The following VARS1 variants were observed in gnomAD, a reference collection of about 807,000 sequenced individuals.
VARS1 encodes the protein valyl-tRNA synthetase 1, also known as valine--tRNA ligase.
In VARS1, 92 loss-of-function variants were observed where a neutral mutation model predicts 161.0. The ratio of observed to expected loss-of-function variants is 0.57; its 90% CI spans 0.48 to 0.68. The LOEUF (loss-of-function observed/expected upper bound fraction) is 0.68. VARS1 is among the 30% of genes least tolerant of loss of function. The probability of loss-of-function intolerance (pLI) is 0.00; values close to 1 mark genes in which losing one functional copy is unlikely to be tolerated. For missense variants in VARS1, 1,338 were observed against 1,695.9 expected, an observed-to-expected ratio of 0.79 and a Z score of 3.71; for synonymous variants, 595 against 682.5, an observed-to-expected ratio of 0.87 and a Z score of 2.00.
In VARS1 at chr6:31,780,303, C is replaced by A; in HGVS notation, c.2925+138G>T. The A allele has an allele frequency of 6.6e-7, 1 of 1,518,024 alleles. No homozygotes were observed. The highest frequency in any genetic ancestry group is 1.4e-5 in the African/African-American group (1 of 72,536). The allele number at this position is 1,518,024 out of a possible 1,614,324, so 94.0% of individuals were successfully genotyped here. A position where few individuals can be genotyped will look rare whatever the true frequency, so the allele number is the denominator to read the frequency against. On this transcript the variant is annotated intron_variant, in intron 25 of 29. Transcript: ENST00000375663. The surrounding 1 kb of genome is among the most constrained non-coding windows in gnomAD (Gnocchi z 5.1). ...GGATCTGGGAAGAAGTGACAGGCCC[C>A]AGCCCCCAATGCGCTGGGCTTTCCC...
chr6:31,794,697 C>G, intron 2 of VARS1, 134 bp downstream of exon 2: 1 of 1,275,678 alleles, frequency 7.8e-7, no homozygotes, highest in Non-Finnish European at 1.1e-6. Context: ...GGTTACCATA[C>G]CAGTTGGCAA....
Position 31,795,010 on chromosome 6 carries a change from A to C in VARS1, c.208T>G (p.Trp70Gly). 3.1e-6 allele frequency: 5 copies of C among 1,597,996 alleles called. No homozygotes were observed. Among genetic ancestry groups the C allele is most frequent in the Non-Finnish European group, 4.3e-6 (5 of 1,170,720 alleles). ...AGCTGGGCCACAGCCGTGGCCCCCC[A>C]CACCCAGAGCCCACCGGGCCCCTGC... ...LEQGPGGLWVWGATAVAQLLW... is the reference protein window; with the variant it reads ...LEQGPGGLWVGGATAVAQLLW... The change falls in exon 2 of 30, where the codon TGG becomes GGG. Residue 70 changes from tryptophan (W) to glycine (G), a missense_variant. Transcript: ENST00000375663. This position sits in a 1 kb window ranked among gnomAD's most constrained non-coding sequence, Gnocchi z 6.9.
chr6:31,782,340 G>T lies in VARS1; in HGVS notation c.2095C>A (p.Arg699Ser). The T allele has an allele frequency of 6.2e-7, 1 of 1,612,898 alleles. No homozygotes were observed. The highest frequency in any genetic ancestry group is 8.5e-7 in the Non-Finnish European group (1 of 1,179,976). The change falls in exon 17 of 30, where the codon CGC becomes AGC. Residue 699 changes from arginine (R) to serine (S), a missense_variant. This residue lies in a region of VARS1 where 902 missense variants were observed against 1,090.3 expected (regional missense o/e 0.83). Transcript: ENST00000375663. The surrounding 1 kb of genome is among the most constrained non-coding windows in gnomAD (Gnocchi z 8.3). The stretch of plus-strand genomic sequence containing the variant: ...CGCTGATGGGCCTCAGGCAGGATGC[G>T]GAGGTCACCCCGAGTCACAGCGGCG... Reference protein sequence around the residue: ...ASAAVTRGDLRILPEAHQRTW... With the variant: ...ASAAVTRGDLSILPEAHQRTW...
rs1047769403 is a variant in VARS1 at position 31,778,527 on chromosome 6, C to A, written c.3726+440G>T. Among the ~76,000 whole-genome samples, 2 of 152,004 alleles carry A rather than the reference C, an allele frequency of 1.3e-5. No individual in the cohort carries two copies. Among genetic ancestry groups the A allele is most frequent in the Non-Finnish European group, 2.9e-5 (2 of 67,994 alleles). On this transcript the variant is annotated intron_variant, in intron 29 of 29. Coordinates refer to ENST00000375663, the MANE Select transcript of VARS1 (RefSeq NM_006295.3). The surrounding 1 kb of genome is among the most constrained non-coding windows in gnomAD (Gnocchi z 5.1). ...TTTTTGTTTTGTTTTGTTTTTTTTC[C>A]AGACAGGGTCTTCTCTCTGTTGCCC...
chr6:31,780,654 C>T lies in VARS1; in HGVS notation c.2797+51G>A, dbSNP rs199756747. On this transcript the variant is annotated intron_variant, in intron 24 of 29. Coordinates refer to ENST00000375663, the MANE Select transcript of VARS1 (RefSeq NM_006295.3). The surrounding 1 kb of genome is among the most constrained non-coding windows in gnomAD (Gnocchi z 5.1). ...GCTCAGGGTGGAGAAGAGGGATGGG[C>T]CTCACAGAAGGAGGAAGGAGTGGCT... 6.9e-3 allele frequency: 11,151 copies of T among 1,613,306 alleles called. 525 individuals carry two copies. In the South Asian group the frequency reaches 0.086, roughly 12 times the overall value.
intron 2 of VARS1, among the ~76,000 whole-genome samples, 158 bp from the exon 3 acceptor site, chr6:31,793,278 C>T (rs185023982): frequency 2.0e-5 from 3 of 152,070 alleles, no homozygotes; most frequent in Non-Finnish European, 4.4e-5. Flanking sequence ...TACTTCTGGG[C>T]GGATCACGAG....
Position 31,785,318 on chromosome 6 carries a change from G to A in VARS1, c.1275C>T (p.Asp425=). The A allele has an allele frequency of 6.2e-7, 1 of 1,613,036 alleles. No individual in the cohort carries two copies. Among genetic ancestry groups the A allele is most frequent in the South Asian group, 1.1e-5 (1 of 91,086 alleles). Residue 425 remains aspartate (D), a synonymous_variant, in exon 10 of 30, where the codon GAC becomes GAT. Transcript: ENST00000375663. The surrounding 1 kb of genome is among the most constrained non-coding windows in gnomAD (Gnocchi z 6.1). Reference sequence around the variant, plus strand: ...GCTTCTTCAACTGGTGGTAAATCCGGTCACCTTTCCTGGAAGCAGACAGGC... The same window carrying A: ...GCTTCTTCAACTGGTGGTAAATCCGATCACCTTTCCTGGAAGCAGACAGGC... ...EVWKWKEEKG[D]RIYHQLKKLG...
At position 31,781,252 on chromosome 6, in the gene VARS1, G is replaced by C; in HGVS notation, c.2545-129C>G. 8.2e-7 allele frequency: 1 copy of C among 1,217,976 alleles called. No homozygotes were observed. Among genetic ancestry groups the C allele is most frequent in the South Asian group, 1.3e-5 (1 of 75,564 alleles). The allele number at this position is 1,217,976 out of a possible 1,614,324, so 75.4% of individuals were successfully genotyped here. On this transcript the variant is annotated intron_variant, in intron 21 of 29. Coordinates refer to ENST00000375663, the MANE Select transcript of VARS1 (RefSeq NM_006295.3). This position sits in a 1 kb window ranked among gnomAD's most constrained non-coding sequence, Gnocchi z 6.8. ...TCCCACTGAGTGTCCCCAAGAGCTCGTTGAGCGCCTTTATGTGAATCAGAA... is the reference window on the plus strand; with the variant it reads ...TCCCACTGAGTGTCCCCAAGAGCTCCTTGAGCGCCTTTATGTGAATCAGAA...
At position 31,781,991 on chromosome 6, in the gene VARS1, G is replaced by C; in HGVS notation, c.2242-39C>G. 1 of 1,612,954 alleles carries C rather than the reference G, an allele frequency of 6.2e-7. No homozygotes were observed. Among genetic ancestry groups the C allele is most frequent in the South Asian group, 1.1e-5 (1 of 91,082 alleles). On this transcript the variant is annotated intron_variant, in intron 18 of 29. Coordinates refer to ENST00000375663, the MANE Select transcript of VARS1 (RefSeq NM_006295.3). The surrounding 1 kb of genome is among the most constrained non-coding windows in gnomAD (Gnocchi z 6.8). ...AGTGATTACCCAAGGGGGTGTGTCTGCTTCTGGCTCACCCTGCCCCTCCCC... is the reference window on the plus strand; with the variant it reads ...AGTGATTACCCAAGGGGGTGTGTCTCCTTCTGGCTCACCCTGCCCCTCCCC...
chr6:31,778,361 T>G lies in VARS1; in HGVS notation c.3726+606A>C, dbSNP rs1581627776. 1.3e-5 allele frequency among the ~76,000 whole-genome samples: 2 copies of G among 152,168 alleles called. No individual in the cohort carries two copies. The highest frequency in any genetic ancestry group is 3.8e-4 in the East Asian group (2 of 5,204). On this transcript the variant is annotated intron_variant, in intron 29 of 29. Transcript: ENST00000375663. This position sits in a 1 kb window ranked among gnomAD's most constrained non-coding sequence, Gnocchi z 5.1. ...CCGTCTCCCACCTGTTGTGTGACCC[T>G]GGGTTGTGCCCAGCCCCCAGCTGCT... is the stretch of plus-strand genomic sequence containing the variant.
At position 31,785,863 on chromosome 6, in the gene VARS1, C is replaced by T. The variant is rs910661803; in HGVS notation, c.1101-130G>A. The T allele has an allele frequency of 1.7e-5, 20 of 1,195,044 alleles. No homozygotes were observed. The East Asian group carries it at 3.1e-4, about 19-fold the overall frequency. 74.0% of individuals were successfully genotyped at this position (1,195,044 alleles called of 1,614,324 possible). ...CAGGGAGGCCGGACGCGGTGGCTCACGCCTGTAATCCCAGAACTTTGGGAG... is the reference window on the plus strand; with the variant it reads ...CAGGGAGGCCGGACGCGGTGGCTCATGCCTGTAATCCCAGAACTTTGGGAG... On this transcript the variant is annotated intron_variant, in intron 8 of 29. Transcript: ENST00000375663. The surrounding 1 kb of genome is among the most constrained non-coding windows in gnomAD (Gnocchi z 6.1).
In VARS1 at chr6:31,791,423, G is replaced by A. The variant is rs766769887; in HGVS notation, c.1100+187C>T. ...AAGAGAGTCTGCAAGTGGCGGTGTT[G>A]CATGGGAGTACTGGACTAGGAGAGG... On this transcript the variant is annotated intron_variant, in intron 8 of 29. Transcript: ENST00000375663. The surrounding 1 kb of genome is among the most constrained non-coding windows in gnomAD (Gnocchi z 5.0). Among the ~76,000 whole-genome samples the A allele has an allele frequency of 3.9e-5, 6 of 152,154 alleles. No individual in the cohort carries two copies. Among genetic ancestry groups the A allele is most frequent in the Non-Finnish European group, 7.3e-5 (5 of 68,034 alleles).
Position 31,780,466 on chromosome 6 carries a change from C to A in VARS1, c.2900G>T (p.Gly967Val). 1 of 1,613,868 alleles carries A rather than the reference C, an allele frequency of 6.2e-7. No homozygotes were observed. Residue 967 changes from glycine (G) to valine (V), a missense_variant, in exon 25 of 30, where the codon GGT (glycine) becomes GTT (valine). Physicochemically the swap from Gly to Val is moderately radical, Grantham distance 109. This residue lies in a region of VARS1 where 433 missense variants were observed against 586.2 expected (regional missense o/e 0.74). Coordinates refer to ENST00000375663, the MANE Select transcript of VARS1 (RefSeq NM_006295.3). This position sits in a 1 kb window ranked among gnomAD's most constrained non-coding sequence, Gnocchi z 5.1. ...TKFALRGLGK[G>V]FVPSPTSQPG... ...CTGGGAGGTGGGTGAGGGCACAAAA[C>A]CCTTCCCAAGGCCACGAAGGGCAAA...
chr6:31,779,655 G>T lies in VARS1; in HGVS notation c.3241C>A (p.Gln1081Lys), dbSNP rs1813000603. ...LFQRLPRRMPQAPPSLCVTPY... is the reference protein window; with the variant it reads ...LFQRLPRRMPKAPPSLCVTPY... Reference sequence around the variant, plus strand: ...GTAACACAGAGGCTAGGGGGAGCTTGCGGCATCCTCCGGGGCAGCCTCTGG... The same window carrying T: ...GTAACACAGAGGCTAGGGGGAGCTTTCGGCATCCTCCGGGGCAGCCTCTGG... Residue 1081 changes from glutamine (Q) to lysine (K), a missense_variant, in exon 27 of 30, where the codon CAA becomes AAA. By Grantham distance (53) the Gln-to-Lys change is moderately conservative (BLOSUM62 1). This residue lies in a region of VARS1 where 433 missense variants were observed against 586.2 expected (regional missense o/e 0.74). Coordinates refer to ENST00000375663, the MANE Select transcript of VARS1 (RefSeq NM_006295.3). The surrounding 1 kb of genome is among the most constrained non-coding windows in gnomAD (Gnocchi z 9.1). 9 of 1,612,838 alleles carry T rather than the reference G, an allele frequency of 5.6e-6. No homozygotes were observed. Among genetic ancestry groups the T allele is most frequent in the Non-Finnish European group, 7.6e-6 (9 of 1,179,938 alleles).
Position 31,779,977 on chromosome 6 carries a change from C to A in VARS1, c.3081+21G>T. The A allele has an allele frequency of 6.2e-7, 1 of 1,612,960 alleles. No homozygotes were observed. The highest frequency in any genetic ancestry group is 8.5e-7 in the Non-Finnish European group (1 of 1,179,646). On this transcript the variant is annotated intron_variant, in intron 26 of 29. Transcript: ENST00000375663. The surrounding 1 kb of genome is among the most constrained non-coding windows in gnomAD (Gnocchi z 9.1). ...GCCCACCTGCCCCCACCATCCCCTG[C>A]CCCGCTGTGCTCCTTCTCACCAAGT...
In VARS1 at chr6:31,779,913, C is replaced by T. The variant is rs1813020157; in HGVS notation, c.3081+85G>A. ...GAAGGGGATGGGTTGGCTTAGGTCT[C>T]AAGGCCAACTCTGGCAAAACTGAGC... On this transcript the variant is annotated intron_variant, in intron 26 of 29. Coordinates refer to ENST00000375663, the MANE Select transcript of VARS1 (RefSeq NM_006295.3). This position sits in a 1 kb window ranked among gnomAD's most constrained non-coding sequence, Gnocchi z 9.1. 3 of 1,602,918 alleles carry T rather than the reference C, an allele frequency of 1.9e-6. No individual in the cohort carries two copies. The highest frequency in any genetic ancestry group is 1.7e-6 in the Non-Finnish European group (2 of 1,174,342).
chr6:31,789,663 G>A (rs1198312335), intron 8 of VARS1, among the ~76,000 whole-genome samples: 1 of 152,152 alleles, frequency 6.6e-6, no homozygotes, highest in Non-Finnish European at 1.5e-5. Context: ...ATATAGAGCA[G>A]GGGTATCCAA....
intron 8 of VARS1, among the ~76,000 whole-genome samples, chr6:31,786,253 C>G (rs1229113435): frequency 2.0e-5 from 3 of 151,698 alleles, no homozygotes; most frequent in African/African-American, 7.3e-5. Flanking sequence ...GAGTGAGACT[C>G]CGTCTCCAAA....
Position 31,780,948 on chromosome 6 carries a change from G to C in VARS1, c.2650-10C>G. 1 of 1,614,110 alleles carries C rather than the reference G, an allele frequency of 6.2e-7. No homozygotes were observed. The highest frequency in any genetic ancestry group is 8.5e-7 in the Non-Finnish European group (1 of 1,180,034). On this transcript the variant is annotated splice_polypyrimidine_tract_variant and intron_variant, in intron 22 of 29. Transcript: ENST00000375663. This position sits in a 1 kb window ranked among gnomAD's most constrained non-coding sequence, Gnocchi z 5.1. ...GCTGGTTGTGGAGGCCCTGAGGGTG[G>C]AGTGGGAGCAGTCAGGTGGCTGTGA...
Sources: gnomAD v4.1 joint callset for allele counts (sites outside exome capture counted in the v4.1 genomes callset) on GRCh38, gnomAD v4.1.1 for gene constraint, gnomAD v4.1.1 regional missense constraint, Gnocchi (gnomAD v3.1) non-coding constraint, MANE v1.5 for transcripts, NCBI Gene and HGNC (gene_info 2026-07-23, HGNC 2026-07-21) for gene names.